Variants in UBR2 observed in about 807,000 individuals in gnomAD.
UBR2 encodes the protein ubiquitin protein ligase E3 component n-recognin 2, also known as E3 ubiquitin-protein ligase UBR2.
In UBR2, 92 loss-of-function variants were observed where a neutral mutation model predicts 247.9. The ratio of observed to expected loss-of-function variants is 0.37; its 90% CI spans 0.31 to 0.44. The LOEUF (loss-of-function observed/expected upper bound fraction) is 0.44. UBR2 is among the 20% of genes least tolerant of loss of function. UBR2 has a pLI of 1.00. For synonymous variants in UBR2, 672 were observed against 693.5 expected (o/e 0.97, Z 0.49); for missense variants, 1,613 against 2,112.6 (o/e 0.76, Z 4.64).
chr6:42,638,159 T>A (rs1212884373), intron 15 of UBR2, among the ~76,000 whole-genome samples: 1 of 152,184 alleles, frequency 6.6e-6, no homozygotes, highest in Non-Finnish European at 1.5e-5. Flanking sequence ...TTATTAATAA[T>A]TGACTCAATT....
At chr6:42,566,120 G>A (rs1045123381) in intron 1 of UBR2, among the ~76,000 whole-genome samples, 4 of 151,674 alleles carry the variant, frequency 2.6e-5, no homozygotes, top group Non-Finnish European at 5.9e-5. Flanking sequence ...TTGTGTCTTG[G>A]TCCAGTGATA....
chr6:42,658,900 G>GT, intron 29 of UBR2, 76 bp downstream of exon 29: 1 of 1,390,884 alleles, frequency 7.2e-7, no homozygotes, highest in East Asian at 2.6e-5. Context: ...TTTTCTCCTT[G>GT]TAAGTATACT....
chr6:42,640,878 G>C (rs903495385), intron 16 of UBR2, among the ~76,000 whole-genome samples: 1 of 151,678 alleles, frequency 6.6e-6, no homozygotes, highest in African/African-American at 2.4e-5. Context: ...ACAGGTGCCT[G>C]CCACCACTCC....
At chr6:42,633,113 C>T (rs1238381634) in intron 13 of UBR2, among the ~76,000 whole-genome samples, 1 of 151,866 alleles carries the variant, frequency 6.6e-6, no homozygotes, top group East Asian at 1.9e-4. Flanking sequence ...GCCTCAGCCT[C>T]CAAAGTTGCC....
intron 13 of UBR2, 46 bp downstream of exon 13, chr6:42,632,950 TCTTTTCTC>T: frequency 9.5e-7 from 1 of 1,049,812 alleles, no homozygotes; most frequent in Non-Finnish European, 1.3e-6. Flanking sequence ...TTTTTTTTTC[TCTTTTCTC>T]TTTTTTTTTT....
At chr6:42,592,121 C>G (rs1251168291) in intron 2 of UBR2, 30 bp from the exon 3 acceptor site, 10 of 1,541,532 alleles carry the variant, frequency 6.5e-6, no homozygotes, top group East Asian at 2.3e-5. Context: ...TATTTTCTGA[C>G]ACTTTGATTT....
At chr6:42,567,177 G>T (rs1013481152) in intron 1 of UBR2, among the ~76,000 whole-genome samples, 3 of 151,452 alleles carry the variant, frequency 2.0e-5, no homozygotes, top group Non-Finnish European at 4.4e-5. Flanking sequence ...TTTACACACC[G>T]CTTTTCTTAT....
chr6:42,667,391 C>T (rs1798167475), intron 34 of UBR2, among the ~76,000 whole-genome samples: 1 of 151,546 alleles, frequency 6.6e-6, no homozygotes, highest in Admixed American at 6.6e-5. Context: ...CACACTCCCC[C>T]AGTCCTGTCA....
chr6:42,591,999 T>A (rs1792693926), intron 2 of UBR2, 152 bp from the exon 3 acceptor site: 1 of 702,020 alleles, frequency 1.4e-6, no homozygotes. Context: ...ATCAAAGATC[T>A]GACAGATCTT....
chr6:42,634,707 G>A (rs1294156671), intron 13 of UBR2, among the ~76,000 whole-genome samples: 2 of 152,134 alleles, frequency 1.3e-5, no homozygotes, highest in African/African-American at 4.8e-5. Flanking sequence ...CACCCGCCTC[G>A]GCCTCCCAAA....
chr6:42,688,315 G>T lies in UBR2; in HGVS notation c.4953G>T (p.Leu1651=). 1 of 1,614,114 alleles carries T rather than the reference G, an allele frequency of 6.2e-7. No homozygotes were observed. The highest frequency in any genetic ancestry group is 8.5e-7 in the Non-Finnish European group (1 of 1,180,042). Residue 1651 remains leucine (L), a synonymous_variant, in exon 45 of 47, where the codon CTG becomes CTT. Coordinates refer to ENST00000372901, the MANE Select transcript of UBR2 (RefSeq NM_001363705.2). ...AGAGTTACTGCTGCCAGACTGAACT[G>T]GAAGGGGAGGATGTAGGAGCCTGCA... ...CSQSYCCQTE[L]EGEDVGACTA...
At chr6:42,684,290 T>C (rs1220153310) in intron 43 of UBR2, among the ~76,000 whole-genome samples, 1 of 152,098 alleles carries the variant, frequency 6.6e-6, no homozygotes, top group Non-Finnish European at 1.5e-5. Flanking sequence ...TAAGAACTAC[T>C]GTCTAGCCGA....
chr6:42,671,185 CA>C (rs67809948), intron 36 of UBR2, among the ~76,000 whole-genome samples: 66,769 of 100,886 alleles, frequency 0.66, 19,872 homozygotes, highest in East Asian at 0.84. Context: ...AACTCCATCT[CA>C]AAAAAAAAAA....
intron 16 of UBR2, 56 bp downstream of exon 16, chr6:42,640,326 G>A: frequency 1.4e-6 from 2 of 1,464,784 alleles, no homozygotes; most frequent in Non-Finnish European, 1.9e-6. Context: ...CTTTGTATTT[G>A]GAATCACTTT....
At position 42,604,004 on chromosome 6, in the gene UBR2, A is replaced by G. The variant is rs534029178; in HGVS notation, c.662+286A>G. Among the ~76,000 whole-genome samples the G allele has an allele frequency of 2.1e-3, 315 of 152,322 alleles. 1 individual carries two copies. The highest frequency in any genetic ancestry group is 7.4e-3 in the African/African-American group (306 of 41,570). On this transcript the variant is annotated intron_variant, in intron 5 of 46. Transcript: ENST00000372901. ...TCTTCTTTGATTGTATGATAAAATGATAGATTAACTTTACAACTTCACTTT... is the reference window on the plus strand; with the variant it reads ...TCTTCTTTGATTGTATGATAAAATGGTAGATTAACTTTACAACTTCACTTT...
rs373757140 is a variant in UBR2, at chr6:42,632,655, G to A, written c.1385G>A (p.Arg462Gln). Residue 462 changes from arginine (R) to glutamine (Q), a missense_variant, in exon 12 of 47, where the codon CGA becomes CAA. Arg to Gln is a conservative substitution (Grantham distance 43, BLOSUM62 1). This residue lies in a region of UBR2 where 1,524 missense variants were observed against 1,967.3 expected (regional missense o/e 0.77). Transcript: ENST00000372901. ...GCCCAGGGCAGATTTCAGTTTGAAC[G>A]ATACACTGCTTTACAAGCCTTCAAA... ...RDAQGRFQFE[R>Q]YTALQAFKFR... 5.0e-6 allele frequency: 8 copies of A among 1,613,156 alleles called. No homozygotes were observed. The highest frequency in any genetic ancestry group is 6.8e-6 in the Non-Finnish European group (8 of 1,179,674).
At chr6:42,618,455 A>T in intron 11 of UBR2, among the ~76,000 whole-genome samples, 1 of 152,160 alleles carries the variant, frequency 6.6e-6, no homozygotes, top group East Asian at 1.9e-4. Context: ...AAATAACTGA[A>T]TTTTTCACCA....
At chr6:42,642,722 G>T (rs757512582) in intron 18 of UBR2, among the ~76,000 whole-genome samples, 1 of 151,988 alleles carries the variant, frequency 6.6e-6, no homozygotes, top group Non-Finnish European at 1.5e-5. Context: ...CCTTCTTCCT[G>T]TCTTCACTTC....
intron 2 of UBR2, among the ~76,000 whole-genome samples, chr6:42,579,971 G>A (rs1195027835): frequency 6.6e-6 from 1 of 151,694 alleles, no homozygotes; most frequent in Admixed American, 6.6e-5. Flanking sequence ...CTTTATAACT[G>A]TTTTCATAGT....
Sources: allele counts gnomAD v4.1 joint callset (sites outside exome capture counted in the v4.1 genomes callset), GRCh38; gene constraint gnomAD v4.1.1; regional missense constraint gnomAD v4.1.1; transcripts MANE v1.5; gene names NCBI Gene and HGNC (gene_info 2026-07-23, HGNC 2026-07-21).